The following IQSEC1 variants were observed in gnomAD, a reference collection of about 807,000 sequenced individuals.
The protein encoded by IQSEC1 is IQ motif and Sec7 domain ArfGEF 1.
In IQSEC1, 31 loss-of-function variants were observed where a neutral mutation model predicts 91.0. The ratio of observed to expected loss-of-function variants is 0.34; its 90% CI spans 0.26 to 0.46. The LOEUF is 0.46. IQSEC1 is among the 20% of genes least tolerant of loss of function. The pLI, the probability that IQSEC1 is intolerant of heterozygous loss-of-function variation, is 1.00. For missense variants in IQSEC1, 1,388 were observed against 1,575.6 expected (o/e 0.88, Z 2.02); for synonymous variants, 699 against 662.6 (o/e 1.05, Z -0.84).
intron 2 of IQSEC1, among the ~76,000 whole-genome samples, chr3:13,145,002 T>A (rs1211176666): frequency 6.6e-6 from 1 of 151,748 alleles, no homozygotes; most frequent in African/African-American, 2.4e-5. Context: ...GTCCCGGGAG[T>A]GTTCACAGAC....
chr3:13,180,449 T>A (rs1342111315), intron 1 of IQSEC1, among the ~76,000 whole-genome samples: 1 of 152,064 alleles, frequency 6.6e-6, no homozygotes, highest in Non-Finnish European at 1.5e-5. Flanking sequence ...AATACACCAA[T>A]CAGCGCCCTG....
chr3:13,041,499 C>G (rs1403382930), intron 1 of IQSEC1, among the ~76,000 whole-genome samples: 1 of 152,218 alleles, frequency 6.6e-6, no homozygotes, highest in Non-Finnish European at 1.5e-5. Context: ...TCAGGAAAAA[C>G]TAATTCCCTC....
intron 1 of IQSEC1, among the ~76,000 whole-genome samples, chr3:12,946,169 A>C (rs9881408): frequency 0.029 from 4,427 of 152,276 alleles, 218 homozygotes; most frequent in African/African-American, 0.099. Flanking sequence ...TGGGTTAGAG[A>C]ACAGCCAGAC....
In IQSEC1 at chr3:12,935,615, A is replaced by G; in HGVS notation, c.1401T>C (p.Asp467=). Residue 467 remains aspartate, a synonymous_variant, in exon 3 of 14, where the codon GAT becomes GAC. Transcript: ENST00000613206. The surrounding 1 kb of genome is among the most constrained non-coding windows in gnomAD (Gnocchi z 8.0). Reference sequence around the variant, plus strand: ...ATGACTCGGAGCTGCAGTTGATGGTATCGTTGGAGTTGGACGTGCTGTTGA... The same window carrying G: ...ATGACTCGGAGCTGCAGTTGATGGTGTCGTTGGAGTTGGACGTGCTGTTGA... The part of the protein sequence containing the change: ...DSINSTSNSN[D]TINCSSESSS... The G allele has an allele frequency of 6.2e-7, 1 of 1,614,066 alleles. No homozygotes were observed. The highest frequency in any genetic ancestry group is 8.5e-7 in the Non-Finnish European group (1 of 1,180,018).
chr3:13,146,879 G>A (rs1238794006), intron 2 of IQSEC1, among the ~76,000 whole-genome samples: 1 of 152,204 alleles, frequency 6.6e-6, no homozygotes, highest in Non-Finnish European at 1.5e-5. Context: ...TCCTGCTCCG[G>A]GCTGCATAAA....
intron 2 of IQSEC1, among the ~76,000 whole-genome samples, chr3:13,159,039 G>A (rs1357334827): frequency 6.6e-6 from 1 of 152,100 alleles, no homozygotes; most frequent in East Asian, 1.9e-4. Flanking sequence ...AAGGGTACGT[G>A]TCTGCCACTG....
intron 2 of IQSEC1, among the ~76,000 whole-genome samples, chr3:13,079,937 A>G (rs1228772703): frequency 6.6e-6 from 1 of 152,230 alleles, no homozygotes; most frequent in African/African-American, 2.4e-5. Flanking sequence ...TAGCAAGGAA[A>G]AACAGAAGTT....
At chr3:12,919,600 G>A (rs544816990) in intron 6 of IQSEC1, among the ~76,000 whole-genome samples, 7 of 152,360 alleles carry the variant, frequency 4.6e-5, no homozygotes, top group East Asian at 1.9e-4. Flanking sequence ...AGCTCCACAC[G>A]CTCTTAGAGC....
chr3:12,947,610 G>A (rs923017340), intron 1 of IQSEC1, among the ~76,000 whole-genome samples: 1 of 152,192 alleles, frequency 6.6e-6, no homozygotes, highest in African/African-American at 2.4e-5. Context: ...ATGAGCAGGA[G>A]GCCTGCTCCT....
Position 13,073,392 on chromosome 3 carries a change from C to A in IQSEC1, c.-378G>T, listed in dbSNP as rs1705500349. On this transcript the variant is annotated 5_prime_UTR_variant, in exon 1 of 14. Transcript: ENST00000613206. The stretch of plus-strand genomic sequence containing the variant: ...GGCGCGGGGATGAGGAGGGGAGGGT[C>A]GAGAGAAGGCTGCCCCGGGTTTGCT... Among the ~76,000 whole-genome samples the A allele has an allele frequency of 6.6e-6, 1 of 152,034 alleles. No homozygotes were observed. Among genetic ancestry groups the A allele is most frequent in the Non-Finnish European group, 1.5e-5 (1 of 67,964 alleles).
chr3:13,251,406 C>G (rs1325426714), intron 1 of IQSEC1, among the ~76,000 whole-genome samples: 2 of 152,200 alleles, frequency 1.3e-5, no homozygotes, highest in Non-Finnish European at 2.9e-5. Flanking sequence ...TGCTCAGCAA[C>G]TGGAACAGTT....
At chr3:13,261,530 G>C (rs981564304) in intron 1 of IQSEC1, among the ~76,000 whole-genome samples, 3 of 152,042 alleles carry the variant, frequency 2.0e-5, no homozygotes, top group African/African-American at 7.2e-5. Flanking sequence ...CTCAACCCCA[G>C]ACAGCGAGCA....
intron 1 of IQSEC1, among the ~76,000 whole-genome samples, chr3:13,261,163 C>T (rs1339914037): frequency 6.6e-6 from 1 of 152,224 alleles, no homozygotes. Flanking sequence ...CCCTCCAGGA[C>T]CTGTTCCCTG....
intron 2 of IQSEC1, among the ~76,000 whole-genome samples, chr3:13,085,780 C>T (rs1380358856): frequency 1.3e-5 from 2 of 152,234 alleles, no homozygotes; most frequent in Non-Finnish European, 2.9e-5. Context: ...GTCTGAGACT[C>T]GTCGCTGGCC....
At chr3:13,172,769 G>T (rs905765316) in intron 1 of IQSEC1, among the ~76,000 whole-genome samples, 1 of 152,204 alleles carries the variant, frequency 6.6e-6, no homozygotes, top group Non-Finnish European at 1.5e-5. Flanking sequence ...CTCCACACCC[G>T]GGGGTCTACC....
rs553362896 is a variant in IQSEC1 at position 13,065,069 on chromosome 3, G to A, written c.23+7923C>T. Among the ~76,000 whole-genome samples the A allele has an allele frequency of 3.9e-5, 6 of 152,372 alleles. No individual in the cohort carries two copies. In the East Asian group the frequency reaches 1.2e-3, roughly 29 times the overall value. ...TTCTCCTGCCTGGGGAAGACACACA[G>A]GGCTTGGCTTCCTTCATGGAGGCCC... is the stretch of plus-strand genomic sequence containing the variant. On this transcript the variant is annotated intron_variant, in intron 1 of 13. Transcript: ENST00000613206.
At chr3:13,105,335 C>T (rs1358011577) in intron 2 of IQSEC1, among the ~76,000 whole-genome samples, 2 of 152,194 alleles carry the variant, frequency 1.3e-5, no homozygotes, top group Non-Finnish European at 2.9e-5. Context: ...AGAGCGAGGC[C>T]TGGAGTCCAG....
At chr3:13,021,111 C>G (rs1007992437) in intron 1 of IQSEC1, among the ~76,000 whole-genome samples, 1 of 152,202 alleles carries the variant, frequency 6.6e-6, no homozygotes, top group Non-Finnish European at 1.5e-5. Context: ...ACACATCTTC[C>G]AAATAGGTGG....
chr3:13,072,883 C>T (rs1229849540), intron 1 of IQSEC1, 109 bp downstream of exon 1: 3 of 985,472 alleles, frequency 3.0e-6, no homozygotes, highest in Non-Finnish European at 4.7e-6. Context: ...TGCAAGTCAC[C>T]TGCACATCCA....
Sources: gnomAD v4.1 joint callset for allele counts (sites outside exome capture counted in the v4.1 genomes callset) on GRCh38, gnomAD v4.1.1 for gene constraint, Gnocchi (gnomAD v3.1) non-coding constraint, MANE v1.5 for transcripts, NCBI Gene and HGNC (gene_info 2026-07-23, HGNC 2026-07-21) for gene names.